RALGAPA1: variants seen among roughly 807,000 people sequenced by gnomAD.
RALGAPA1 encodes ral GTPase-activating protein subunit alpha-1.
RALGAPA1 carries 52 observed loss-of-function variants against 269.6 expected under a neutral mutation model. That is an observed-to-expected ratio of 0.19 (90% CI 0.15 to 0.24). The LOEUF (loss-of-function observed/expected upper bound fraction) is 0.24. Ranked by LOEUF, RALGAPA1 falls within the 10% of genes least tolerant of loss-of-function variation. The pLI is 1.00. For missense variants in RALGAPA1, 1,917 were observed against 3,013.9 expected, an observed-to-expected ratio of 0.64 and a Z score of 8.52; for synonymous variants, 817 against 1,008.3, an observed-to-expected ratio of 0.81 and a Z score of 3.60.
intron 1 of RALGAPA1, among the ~76,000 whole-genome samples, chr14:35,793,861 T>C (rs904538646): frequency 2.0e-5 from 3 of 152,204 alleles, no homozygotes; most frequent in African/African-American, 7.2e-5. Flanking sequence ...ATTCCACATT[T>C]TATTCAATCC....
At chr14:35,781,606 CT>C (rs1422873888) in intron 1 of RALGAPA1, among the ~76,000 whole-genome samples, 5 of 134,514 alleles carry the variant, frequency 3.7e-5, no homozygotes, top group African/African-American at 2.8e-5. Flanking sequence ...ATCTATCTAT[CT>C]ACACACACAC....
At chr14:35,612,466 T>A (rs1317982855) in intron 35 of RALGAPA1, among the ~76,000 whole-genome samples, 2 of 149,086 alleles carry the variant, frequency 1.3e-5, no homozygotes, top group Non-Finnish European at 1.5e-5. Context: ...GCGGAAACTA[T>A]AAAACTCATT....
chr14:35,717,146 T>C (rs1409433671), intron 16 of RALGAPA1, among the ~76,000 whole-genome samples: 5 of 152,192 alleles, frequency 3.3e-5, no homozygotes, highest in Non-Finnish European at 1.5e-5. Flanking sequence ...AATACATAAG[T>C]ATATTCTATA....
At chr14:35,634,909 G>A in intron 32 of RALGAPA1, 152 bp from the exon 33 acceptor site, 2 of 732,242 alleles carry the variant, frequency 2.7e-6, no homozygotes, top group Non-Finnish European at 4.0e-6. Context: ...GCTCATGCCT[G>A]TAATCCCAGC....
At chr14:35,782,435 T>A (rs1429842386) in intron 1 of RALGAPA1, among the ~76,000 whole-genome samples, 1 of 152,214 alleles carries the variant, frequency 6.6e-6, no homozygotes, top group Non-Finnish European at 1.5e-5. Context: ...CTTCTATTTT[T>A]TCTTTTTTTT....
At chr14:35,588,385 G>C (rs2058441223) in intron 37 of RALGAPA1, among the ~76,000 whole-genome samples, 2 of 152,100 alleles carry the variant, frequency 1.3e-5, no homozygotes, top group Non-Finnish European at 2.9e-5. Context: ...TTTCTACAAA[G>C]GTCACAGGAA....
rs888596591 is a variant in RALGAPA1, at chr14:35,684,003, G to A, written c.4295-18C>T. On this transcript the variant is annotated intron_variant, in intron 20 of 41. Coordinates refer to ENST00000680220, the MANE Select transcript of RALGAPA1 (RefSeq NM_001346249.2). Reference sequence around the variant, plus strand: ...GCCAAAATCTATAGGAAGAAGAAATGTTATTATATGAGTCCCAATTACAAA... The same window carrying A: ...GCCAAAATCTATAGGAAGAAGAAATATTATTATATGAGTCCCAATTACAAA... 2 of 1,591,050 alleles carry A rather than the reference G, an allele frequency of 1.3e-6. No homozygotes were observed. The highest frequency in any genetic ancestry group is 1.7e-4 in the Middle Eastern group (1 of 5,984).
intron 11 of RALGAPA1, among the ~76,000 whole-genome samples, chr14:35,740,712 G>C (rs995985033): frequency 6.6e-6 from 1 of 152,150 alleles, no homozygotes; most frequent in African/African-American, 2.4e-5. Context: ...GGTGGCTGAG[G>C]CTGGATGATG....
chr14:35,721,647 T>C (rs2069421045), intron 16 of RALGAPA1, 41 bp downstream of exon 16: 1 of 1,520,434 alleles, frequency 6.6e-7, no homozygotes, highest in African/African-American at 1.4e-5. Flanking sequence ...ACTATAAATG[T>C]AGTGCCCTGT....
chr14:35,599,225 C>A (rs1028226448), intron 36 of RALGAPA1, among the ~76,000 whole-genome samples: 2 of 152,186 alleles, frequency 1.3e-5, no homozygotes, highest in African/African-American at 4.8e-5. Flanking sequence ...TAAGACAACT[C>A]AAGATGAGAA....
intron 1 of RALGAPA1, among the ~76,000 whole-genome samples, chr14:35,801,167 G>A (rs1312718621): frequency 1.3e-5 from 2 of 150,506 alleles, no homozygotes; most frequent in Non-Finnish European, 2.9e-5. Flanking sequence ...AGGCTGATCA[G>A]GAAAAGAAAG....
At chr14:35,599,508 G>A (rs1287557669) in intron 36 of RALGAPA1, among the ~76,000 whole-genome samples, 1 of 152,182 alleles carries the variant, frequency 6.6e-6, no homozygotes, top group Non-Finnish European at 1.5e-5. Context: ...ACTTTGGGAG[G>A]GGGAGGTGGG....
intron 37 of RALGAPA1, among the ~76,000 whole-genome samples, chr14:35,585,148 T>G (rs1479896334): frequency 1.3e-5 from 2 of 152,096 alleles, no homozygotes; most frequent in African/African-American, 4.8e-5. Context: ...TGTAGGTGCC[T>G]AACAACAAAG....
intron 31 of RALGAPA1, among the ~76,000 whole-genome samples, chr14:35,642,070 A>C (rs996465743): frequency 1.3e-5 from 2 of 152,242 alleles, no homozygotes; most frequent in Middle Eastern, 3.4e-3. Context: ...TAGATCCCTA[A>C]CTCCTGCCAT....
intron 5 of RALGAPA1, among the ~76,000 whole-genome samples, chr14:35,762,276 G>C (rs2073777217): frequency 6.6e-6 from 1 of 151,770 alleles, no homozygotes; most frequent in African/African-American, 2.4e-5. Flanking sequence ...TTGTTTTTAA[G>C]ATACAGTCTC....
intron 35 of RALGAPA1, among the ~76,000 whole-genome samples, chr14:35,624,589 C>T (rs1200457336): frequency 7.0e-6 from 1 of 143,054 alleles, no homozygotes; most frequent in Non-Finnish European, 1.5e-5. Flanking sequence ...AGCAGAAGTA[C>T]AAATAGAAAA....
At chr14:35,686,751 A>G in intron 18 of RALGAPA1, 85 bp from the exon 19 acceptor site, 1 of 645,360 alleles carries the variant, frequency 1.5e-6, no homozygotes. Context: ...CCCAAAACAA[A>G]GTACCTTTGC....
At chr14:35,668,587 A>G (rs1219993054) in intron 26 of RALGAPA1, among the ~76,000 whole-genome samples, 2 of 151,918 alleles carry the variant, frequency 1.3e-5, no homozygotes, top group Non-Finnish European at 2.9e-5. Flanking sequence ...GAGCCCAGGA[A>G]TTCAAGACCA....
At chr14:35,679,112 A>C (rs1361835553) in intron 21 of RALGAPA1, among the ~76,000 whole-genome samples, 1 of 152,206 alleles carries the variant, frequency 6.6e-6, no homozygotes, top group Non-Finnish European at 1.5e-5. Flanking sequence ...TTGTTAACTT[A>C]AATAAAGTAT....
Sources: allele counts gnomAD v4.1 joint callset (sites outside exome capture counted in the v4.1 genomes callset), GRCh38; gene constraint gnomAD v4.1.1; transcripts MANE v1.5; gene names NCBI Gene and HGNC (gene_info 2026-07-23, HGNC 2026-07-21).